Variants in IL1RAPL1 observed in about 807,000 individuals in gnomAD.
IL1RAPL1 encodes the protein interleukin-1 receptor accessory protein-like 1.
IL1RAPL1 carries 3 observed loss-of-function variants against 48.4 expected under a neutral mutation model. The ratio of observed to expected loss-of-function variants is 0.06; its 90% CI spans 0.03 to 0.16. The LOEUF (loss-of-function observed/expected upper bound fraction) is 0.16, where lower values mean the gene tolerates loss of function less well. IL1RAPL1 is among the 10% of genes least tolerant of loss of function. IL1RAPL1 has a pLI of 1.00. For synonymous variants in IL1RAPL1, 185 were observed against 187.7 expected (o/e 0.99, Z 0.12); for missense variants, 349 against 530.6 (o/e 0.66, Z 3.36).
intron 2 of IL1RAPL1, among the ~76,000 whole-genome samples, chrX:29,118,663 T>C (rs928543869): frequency 9.8e-5 from 11 of 111,783 alleles, no homozygotes; most frequent in African/African-American, 3.6e-4. Flanking sequence ...TACTAAGTTG[T>C]TAGAACAAGC....
chrX:29,469,784 T>A (rs1011140901), intron 5 of IL1RAPL1, among the ~76,000 whole-genome samples: 2 of 111,957 alleles, frequency 1.8e-5, no homozygotes, highest in Non-Finnish European at 3.8e-5. Context: ...AGGGCTAATT[T>A]ATTTGGCATT....
chrX:28,881,492 G>T (rs770439084), intron 2 of IL1RAPL1, among the ~76,000 whole-genome samples: 1 of 111,811 alleles, frequency 8.9e-6, no homozygotes, highest in East Asian at 2.8e-4. Flanking sequence ...TTGAGCTCAA[G>T]TCAGTGAAGA....
chrX:29,925,451 G>GC lies in IL1RAPL1; in HGVS notation c.1057+5357_1057+5358insC, dbSNP rs1424150325. Among the ~76,000 whole-genome samples the GC allele has an allele frequency of 9.9e-4, 31 of 31,266 alleles. No individual in the cohort carries two copies. In the East Asian group the frequency reaches 0.018, roughly 18 times the overall value. 27.2% of individuals were successfully genotyped at this position (31,266 alleles called of 115,157 possible). On this transcript the variant is annotated intron_variant, in intron 8 of 10. Coordinates refer to ENST00000378993, the MANE Select transcript of IL1RAPL1 (RefSeq NM_014271.4). ...TTTTTTTTTTTTTTTTTTTTGCTGG[G>GC]GGGGGCTTCTCTGCTCATTTGTATA... is the stretch of plus-strand genomic sequence containing the variant.
chrX:28,824,299 C>T (rs781247125), intron 2 of IL1RAPL1, among the ~76,000 whole-genome samples: 1 of 111,113 alleles, frequency 9.0e-6, no homozygotes, highest in African/African-American at 3.3e-5. Flanking sequence ...TTTATGTATT[C>T]TCAACATACT....
chrX:29,507,592 G>A (rs1237007540), intron 5 of IL1RAPL1, among the ~76,000 whole-genome samples: 1 of 101,497 alleles, frequency 9.9e-6, no homozygotes, highest in Non-Finnish European at 2.0e-5. Flanking sequence ...GCCTTGCTAT[G>A]TTGCCTAGGC....
chrX:29,952,129 C>A (rs914882456), intron 9 of IL1RAPL1, among the ~76,000 whole-genome samples: 2 of 111,615 alleles, frequency 1.8e-5, no homozygotes, highest in Non-Finnish European at 3.8e-5. Flanking sequence ...GTTTACATCT[C>A]GTCTGATTTC....
chrX:29,550,278 G>A (rs369209716), intron 5 of IL1RAPL1, among the ~76,000 whole-genome samples: 1 of 110,234 alleles, frequency 9.1e-6, no homozygotes, highest in African/African-American at 3.3e-5. Context: ...TGCAAGCTCC[G>A]CCTCCCGGGT....
intron 6 of IL1RAPL1, among the ~76,000 whole-genome samples, chrX:29,708,276 G>A (rs895117945): frequency 1.8e-5 from 2 of 111,179 alleles, no homozygotes; most frequent in East Asian, 2.8e-4. Flanking sequence ...AATCTATTCC[G>A]TCTGCCAGTT....
intron 2 of IL1RAPL1, among the ~76,000 whole-genome samples, chrX:28,863,644 T>G (rs1221861028): frequency 2.7e-5 from 3 of 111,460 alleles, no homozygotes; most frequent in African/African-American, 9.8e-5. Context: ...CTTGAATATA[T>G]ATTTCTTTAA....
At chrX:29,599,962 T>C (rs907408918) in intron 5 of IL1RAPL1, among the ~76,000 whole-genome samples, 4 of 112,435 alleles carry the variant, frequency 3.6e-5, no homozygotes, top group Non-Finnish European at 7.5e-5. Context: ...TTCACCTTTC[T>C]CTGGTGCATC....
chrX:29,908,217 C>G (rs992273866), intron 6 of IL1RAPL1, among the ~76,000 whole-genome samples: 2 of 109,811 alleles, frequency 1.8e-5, no homozygotes, highest in African/African-American at 6.6e-5. Flanking sequence ...GGTAGATGCT[C>G]TTATGGAGTA....
chrX:28,753,602 T>C (rs1185553788), intron 1 of IL1RAPL1, among the ~76,000 whole-genome samples: 1 of 112,313 alleles, frequency 8.9e-6, no homozygotes, highest in Admixed American at 9.5e-5. Flanking sequence ...TCAAAACTTA[T>C]AGTCACTGTT....
At chrX:28,874,104 G>C (rs1020052985) in intron 2 of IL1RAPL1, among the ~76,000 whole-genome samples, 49 of 111,376 alleles carry the variant, frequency 4.4e-4, no homozygotes, top group Non-Finnish European at 7.3e-4. Flanking sequence ...CAAGGGCCAA[G>C]TGACATAGCA....
chrX:29,319,974 A>T (rs763912763), intron 3 of IL1RAPL1, among the ~76,000 whole-genome samples: 3 of 111,940 alleles, frequency 2.7e-5, no homozygotes, highest in Admixed American at 9.5e-5. Context: ...CAAATAACTA[A>T]CTGTTGCTGT....
rs1393724081 is a variant in IL1RAPL1, at chrX:29,802,802, T to C, written c.779-114662T>C. On this transcript the variant is annotated intron_variant, in intron 6 of 10. Transcript: ENST00000378993. Reference sequence around the variant, plus strand: ...ATATATGTGTGTGTGTATATATATATATATATATGTGTGTATATATATGTA... The same window carrying C: ...ATATATGTGTGTGTGTATATATATACATATATATGTGTGTATATATATGTA... 1.1e-3 allele frequency among the ~76,000 whole-genome samples: 75 copies of C among 65,748 alleles called. 2 individuals carry two copies. Among genetic ancestry groups the C allele is most frequent in the African/African-American group, 7.2e-3 (75 of 10,360 alleles). The allele number at this position is 65,748 out of a possible 115,157, so 57.1% of individuals were successfully genotyped here.
chrX:28,756,994 A>G (rs982953560), intron 1 of IL1RAPL1, among the ~76,000 whole-genome samples: 1 of 112,383 alleles, frequency 8.9e-6, no homozygotes, highest in Non-Finnish European at 1.9e-5. Context: ...ATCATTGAGA[A>G]GAACAAATGA....
chrX:29,342,109 G>GTT (rs371110401), intron 3 of IL1RAPL1, among the ~76,000 whole-genome samples: 97 of 81,057 alleles, frequency 1.2e-3, no homozygotes, highest in African/African-American at 3.9e-3. Context: ...ACACGGCCTT[G>GTT]TTTTGTGTGT....
intron 1 of IL1RAPL1, among the ~76,000 whole-genome samples, chrX:28,747,196 A>AT (rs1935989821): frequency 9.0e-6 from 1 of 111,049 alleles, no homozygotes; most frequent in South Asian, 3.8e-4. Context: ...CCCATTAGTC[A>AT]TTTTTTATGG....
chrX:29,023,982 G>A (rs776306091), intron 2 of IL1RAPL1, among the ~76,000 whole-genome samples: 1 of 111,731 alleles, frequency 9.0e-6, no homozygotes, highest in Non-Finnish European at 1.9e-5. Context: ...AGATATAAAG[G>A]CTGAATAACC....
Sources: gnomAD v4.1 joint callset for allele counts (sites outside exome capture counted in the v4.1 genomes callset) on GRCh38, gnomAD v4.1.1 for gene constraint, MANE v1.5 for transcripts, NCBI Gene and HGNC (gene_info 2026-07-23, HGNC 2026-07-21) for gene names.